Variants in CNOT4 observed in about 807,000 individuals in gnomAD.
CNOT4 encodes the protein CCR4-associated factor 4.
Under a neutral mutation model 73.8 loss-of-function variants are expected in CNOT4, and 8 were observed. The observed-to-expected ratio is 0.11, with a 90% CI of 0.06 to 0.20. The LOEUF (loss-of-function observed/expected upper bound fraction) is 0.20. CNOT4 is among the 10% of genes least tolerant of loss of function. CNOT4 has a pLI of 1.00. For missense variants in CNOT4, 564 were observed against 883.4 expected, an observed-to-expected ratio of 0.64 and a Z score of 4.58; for synonymous variants, 293 against 321.1, an observed-to-expected ratio of 0.91 and a Z score of 0.94.
chr7:135,398,104 T>C (rs1219999026), intron 8 of CNOT4, 65 bp downstream of exon 8: 5 of 861,410 alleles, frequency 5.8e-6, no homozygotes, highest in South Asian at 1.4e-5. Flanking sequence ...AAAATTCACC[T>C]GCATGGAATA....
At chr7:135,428,252 T>A (rs375040498) in intron 2 of CNOT4, among the ~76,000 whole-genome samples, 57 of 152,250 alleles carry the variant, frequency 3.7e-4, no homozygotes, top group African/African-American at 1.3e-3. Context: ...GAAGCCTCTC[T>A]AGAGAGGAGC....
chr7:135,440,660 G>T (rs935761053), intron 1 of CNOT4, among the ~76,000 whole-genome samples: 1 of 152,096 alleles, frequency 6.6e-6, no homozygotes, highest in East Asian at 1.9e-4. Flanking sequence ...AGTGGCTCAC[G>T]CCTATAATCC....
chr7:135,457,939 A>C (rs1415542566), intron 1 of CNOT4, among the ~76,000 whole-genome samples: 1 of 152,092 alleles, frequency 6.6e-6, no homozygotes, highest in Non-Finnish European at 1.5e-5. Context: ...TGTAAATCAT[A>C]GGTTACGACT....
chr7:135,387,209 T>C, intron 10 of CNOT4: 2 of 984,670 alleles, frequency 2.0e-6, no homozygotes, highest in Non-Finnish European at 2.4e-6. Flanking sequence ...AATGTTCTTG[T>C]AATGTCTTAA....
chr7:135,456,189 T>C lies in CNOT4; in HGVS notation c.-92-17766A>G, dbSNP rs574513005. 4.6e-5 allele frequency among the ~76,000 whole-genome samples: 7 copies of C among 152,338 alleles called. No individual in the cohort carries two copies. In the East Asian group the frequency reaches 1.2e-3, roughly 25 times the overall value. On this transcript the variant is annotated intron_variant, in intron 1 of 11. Coordinates refer to ENST00000541284, the MANE Select transcript of CNOT4 (RefSeq NM_001190850.2). ...GTGTGGCTGTATTCCAATAAAACTA[T>C]CTACGGACATTGAAAACTGAATTTC...
chr7:135,504,476 T>TAGAGATGGGG, intron 1 of CNOT4, among the ~76,000 whole-genome samples: 1 of 54,262 alleles, frequency 1.8e-5, no homozygotes, highest in East Asian at 3.4e-4. Flanking sequence ...TTTTTTTTTT[T>TAGAGATGGGG]TTTTTTTTTT....
intron 7 of CNOT4, among the ~76,000 whole-genome samples, chr7:135,402,671 A>G (rs1169182327): frequency 6.6e-6 from 1 of 152,192 alleles, no homozygotes; most frequent in Admixed American, 6.5e-5. Context: ...ATTAGATTTC[A>G]CAAGTAGAAG....
intron 2 of CNOT4, among the ~76,000 whole-genome samples, chr7:135,431,193 A>T (rs1280374941): frequency 5.3e-5 from 8 of 152,202 alleles, no homozygotes; most frequent in Non-Finnish European, 7.3e-5. Flanking sequence ...TGAGCCCAGG[A>T]GTTCTAGACT....
At chr7:135,365,954 T>C (rs776807056) in intron 10 of CNOT4, among the ~76,000 whole-genome samples, 1 of 152,226 alleles carries the variant, frequency 6.6e-6, no homozygotes, top group Non-Finnish European at 1.5e-5. Flanking sequence ...CTCTAACTTT[T>C]AAAGCAGTCC....
At chr7:135,403,459 T>A (rs1314238345) in intron 7 of CNOT4, among the ~76,000 whole-genome samples, 1 of 152,186 alleles carries the variant, frequency 6.6e-6, no homozygotes, top group African/African-American at 2.4e-5. Context: ...AATTAGCTAT[T>A]AACAGAACAA....
At position 135,438,354 on chromosome 7, in the gene CNOT4, C is replaced by A; in HGVS notation, c.-23G>T. 6.4e-7 allele frequency: 1 copy of A among 1,565,992 alleles called. No homozygotes were observed. The highest frequency in any genetic ancestry group is 2.3e-5 in the East Asian group (1 of 43,688). ...CATCTTCACGTTTATTAAACAGCAG[C>A]AAAAGTTTATAATAATTTAAGGGAG... On this transcript the variant is annotated 5_prime_UTR_variant, in exon 2 of 12. Transcript: ENST00000541284.
At chr7:135,465,804 T>C (rs1255300621) in intron 1 of CNOT4, among the ~76,000 whole-genome samples, 1 of 152,000 alleles carries the variant, frequency 6.6e-6, no homozygotes, top group Non-Finnish European at 1.5e-5. Context: ...TCCCAGCACT[T>C]TGGGAGGCCG....
chr7:135,401,869 C>T (rs1348225083), intron 7 of CNOT4, among the ~76,000 whole-genome samples: 1 of 152,130 alleles, frequency 6.6e-6, no homozygotes, highest in African/African-American at 2.4e-5. Context: ...AATCAAGATG[C>T]TGAAGTCCAT....
chr7:135,441,010 G>A (rs1799448422), intron 1 of CNOT4, among the ~76,000 whole-genome samples: 1 of 151,982 alleles, frequency 6.6e-6, no homozygotes, highest in South Asian at 2.1e-4. Context: ...CATAAGGTAT[G>A]TTGATCAGAA....
chr7:135,426,923 CAAA>C (rs34873636), intron 2 of CNOT4, among the ~76,000 whole-genome samples: 6 of 70,032 alleles, frequency 8.6e-5, no homozygotes, highest in Non-Finnish European at 9.0e-5. Context: ...AACTCCATCT[CAAA>C]AAAAAAAAAA....
At chr7:135,423,028 C>G (rs991050383) in intron 2 of CNOT4, among the ~76,000 whole-genome samples, 1 of 152,118 alleles carries the variant, frequency 6.6e-6, no homozygotes, top group African/African-American at 2.4e-5. Context: ...ACCTTTCTAC[C>G]TCAGTCGTCT....
chr7:135,430,445 C>G (rs888776299), intron 2 of CNOT4, among the ~76,000 whole-genome samples: 4 of 152,078 alleles, frequency 2.6e-5, no homozygotes, highest in African/African-American at 9.7e-5. Flanking sequence ...CAAGACCAAC[C>G]TGGGCAACAT....
intron 9 of CNOT4, among the ~76,000 whole-genome samples, chr7:135,395,381 T>C (rs772826833): frequency 6.6e-6 from 1 of 152,022 alleles, no homozygotes; most frequent in Non-Finnish European, 1.5e-5. Flanking sequence ...AAATTCCCAA[T>C]GGAATAAGCT....
Position 135,415,062 on chromosome 7 carries a change from T to TTG in CNOT4, c.459+113_459+114insCA, listed in dbSNP as rs1369694115. 5.6e-6 allele frequency: 4 copies of TTG among 709,436 alleles called. No individual in the cohort carries two copies. In the African/African-American group the frequency reaches 7.2e-5, roughly 13 times the overall value. 43.9% of individuals were successfully genotyped at this position (709,436 alleles called of 1,614,324 possible). ...CCACCAACAGAGGTCACTACATTGC[T>TTG]TAAGTCCTTGTCCCTCAAGCTTTCT... On this transcript the variant is annotated intron_variant, in intron 4 of 11. Transcript: ENST00000541284.
Sources: gnomAD v4.1 joint callset for allele counts (sites outside exome capture counted in the v4.1 genomes callset) on GRCh38, gnomAD v4.1.1 for gene constraint, MANE v1.5 for transcripts, NCBI Gene and HGNC (gene_info 2026-07-23, HGNC 2026-07-21) for gene names.